The following AFG2A variants were observed in gnomAD, a reference collection of about 807,000 sequenced individuals.
AFG2A encodes ATPase family gene 2 protein homolog A.
chr4:123,032,711 G>A, the AFG2A span, among the ~76,000 whole-genome samples: 1 of 152,198 alleles, frequency 6.6e-6, no homozygotes, highest in Non-Finnish European at 1.5e-5. Context: ...ACCACGCCAG[G>A]CCCAAATTTT....
At chr4:123,174,355 T>C in the AFG2A span, among the ~76,000 whole-genome samples, 3 of 152,188 alleles carry the variant, frequency 2.0e-5, no homozygotes, top group African/African-American at 7.2e-5. Flanking sequence ...CTATAACATG[T>C]CTATTGGTGG....
At chr4:123,165,131 ATAT>A in the AFG2A span, among the ~76,000 whole-genome samples, 71 of 152,294 alleles carry the variant, frequency 4.7e-4, no homozygotes, top group Middle Eastern at 0.01. Flanking sequence ...ATGACTGAAA[ATAT>A]TATTATTCCC....
chr4:123,038,597 T>C, the AFG2A span, among the ~76,000 whole-genome samples: 138,223 of 152,082 alleles, frequency 0.91, 63,054 homozygotes, highest in East Asian at 0.97. Context: ...TCGAGACCAA[T>C]GCAACATACG....
chr4:122,934,587 C>T, the AFG2A span: 9 of 1,613,810 alleles, frequency 5.6e-6, no homozygotes, highest in Non-Finnish European at 6.8e-6. Flanking sequence ...CAACAAGAGT[C>T]AATTTTACAG....
chr4:122,934,322 A>G, the AFG2A span: 4 of 1,614,236 alleles, frequency 2.5e-6, no homozygotes, highest in Admixed American at 1.7e-5. Flanking sequence ...GAGGATACCC[A>G]GATCCCAACA....
chr4:123,001,948 T>C, the AFG2A span, among the ~76,000 whole-genome samples: 1 of 152,204 alleles, frequency 6.6e-6, no homozygotes, highest in Non-Finnish European at 1.5e-5. Context: ...TAAGTCTCTT[T>C]GTAGGTCACT....
the AFG2A span, among the ~76,000 whole-genome samples, chr4:123,052,756 C>T: frequency 7.4e-4 from 113 of 152,276 alleles, no homozygotes; most frequent in Middle Eastern, 3.4e-3. Context: ...AATTGACTCA[C>T]ATGATCACAA....
chr4:122,949,120 A>G, the AFG2A span, among the ~76,000 whole-genome samples: 1 of 152,344 alleles, frequency 6.6e-6, no homozygotes, highest in Admixed American at 6.5e-5. Flanking sequence ...CGTGAGAGTC[A>G]TCAGGAATAC....
chr4:123,317,494 C>T, the AFG2A span: 3 of 152,128 alleles, frequency 2.0e-5, no homozygotes, highest in Non-Finnish European at 2.9e-5. Flanking sequence ...TGGGTGGGGC[C>T]TCAGATCTGC....
the AFG2A span, among the ~76,000 whole-genome samples, chr4:122,998,474 A>G: frequency 6.8e-6 from 1 of 146,310 alleles, no homozygotes; most frequent in African/African-American, 2.6e-5. Context: ...CCCCCACCCC[A>G]CAACAGTCCC....
the AFG2A span, among the ~76,000 whole-genome samples, chr4:122,930,693 G>A: frequency 1.3e-5 from 2 of 152,122 alleles, no homozygotes; most frequent in Non-Finnish European, 2.9e-5. Flanking sequence ...ATTTTATGAG[G>A]TAGTTAATAG....
the AFG2A span, among the ~76,000 whole-genome samples, chr4:123,000,242 G>A: frequency 1.2e-4 from 18 of 149,732 alleles, no homozygotes; most frequent in Non-Finnish European, 2.5e-4. Context: ...CAATCATGTT[G>A]TCTGCATACA....
chr4:123,276,018 G>C, the AFG2A span, among the ~76,000 whole-genome samples: 1 of 152,142 alleles, frequency 6.6e-6, no homozygotes, highest in Non-Finnish European at 1.5e-5. Flanking sequence ...GGGACTGCTG[G>C]CTTAAATGAT....
the AFG2A span, among the ~76,000 whole-genome samples, chr4:123,130,569 G>A: frequency 1.3e-5 from 2 of 152,028 alleles, no homozygotes; most frequent in South Asian, 2.1e-4. Flanking sequence ...TTCGAGATTC[G>A]TCTGTGTTAC....
the AFG2A span, among the ~76,000 whole-genome samples, chr4:122,964,850 T>A: frequency 4.6e-5 from 7 of 152,312 alleles, no homozygotes; most frequent in African/African-American, 1.4e-4. Context: ...TTTTTAAAAA[T>A]TTATTTATTA....
the AFG2A span, among the ~76,000 whole-genome samples, chr4:123,209,998 C>T: frequency 2.6e-5 from 4 of 152,206 alleles, no homozygotes; most frequent in South Asian, 2.1e-4. Context: ...ACTTTGGTTC[C>T]GTCAGCATGC....
chr4:123,104,840 G>C, the AFG2A span, among the ~76,000 whole-genome samples: 6 of 152,214 alleles, frequency 3.9e-5, no homozygotes, highest in Non-Finnish European at 8.8e-5. Context: ...AAAGTTGGCA[G>C]CTAGCAGAAC....
chr4:122,946,374 GA>G, the AFG2A span, among the ~76,000 whole-genome samples: 78 of 152,296 alleles, frequency 5.1e-4, 3 homozygotes, highest in Admixed American at 9.8e-4. Flanking sequence ...GCAAGGAATG[GA>G]AACATGTGAT....
the AFG2A span, among the ~76,000 whole-genome samples, chr4:123,267,512 C>T: frequency 6.6e-6 from 1 of 151,992 alleles, no homozygotes; most frequent in Non-Finnish European, 1.5e-5. Context: ...CCTTTTCCTT[C>T]AAAATGAAGT....
Sources: gnomAD v4.1 joint callset for allele counts (sites outside exome capture counted in the v4.1 genomes callset) on GRCh38, gnomAD v4.1.1 for gene constraint, MANE v1.5 for transcripts, NCBI Gene and HGNC (gene_info 2026-07-23, HGNC 2026-07-21) for gene names.